Variants in HDAC9 observed in about 807,000 individuals in gnomAD.
HDAC9 encodes the protein histone deacetylase 9.
HDAC9 carries 41 observed loss-of-function variants against 139.4 expected under a neutral mutation model. That is an observed-to-expected ratio of 0.29 (90% CI 0.23 to 0.38). The LOEUF (loss-of-function observed/expected upper bound fraction) is 0.38. Ranked by LOEUF, HDAC9 falls within the 10% of genes least tolerant of loss-of-function variation. The pLI, the probability that HDAC9 is intolerant of heterozygous loss-of-function variation, is 1.00. For missense variants in HDAC9, 1,147 were observed against 1,297.0 expected (o/e 0.88, Z 1.78); for synonymous variants, 517 against 476.2 (o/e 1.09, Z -1.12).
At chr7:18,499,766 A>T (rs976556764) in intron 2 of HDAC9, among the ~76,000 whole-genome samples, 2 of 152,186 alleles carry the variant, frequency 1.3e-5, no homozygotes, top group African/African-American at 2.4e-5. Context: ...ATCTATTCTT[A>T]CTTTAGGGTA....
Position 18,644,708 on chromosome 7 carries a change from A to G in HDAC9, c.950A>G (p.Asp317Gly), listed in dbSNP as rs754231294. The change falls in exon 9 of 26, where the codon GAT (aspartate) becomes GGT (glycine). Residue 317 changes from aspartate (D) to glycine (G), a missense_variant. Coordinates refer to ENST00000686413, the MANE Select transcript of HDAC9 (RefSeq NM_178425.4). ...CAGCAACGCATTCTAATTCATGAAG[A>G]TTCCATGAACCTGCTAAGTCTTTAT... ...VSQQRILIHE[D>G]SMNLLSLYTS... is the part of the protein sequence containing the mutation. The G allele has an allele frequency of 6.2e-7, 1 of 1,611,410 alleles. No homozygotes were observed. Among genetic ancestry groups the G allele is most frequent in the Non-Finnish European group, 8.5e-7 (1 of 1,178,342 alleles).
chr7:18,977,947 C>CAA (rs887031013), intron 25 of HDAC9, among the ~76,000 whole-genome samples: 1 of 150,886 alleles, frequency 6.6e-6, no homozygotes, highest in African/African-American at 2.5e-5. Flanking sequence ...CACACACACA[C>CAA]ACACACACAC....
At position 18,444,341 on chromosome 7, in the gene HDAC9, G is replaced by GAAA. The variant is rs754142568; in HGVS notation, c.-41-51897_-41-51895dup. Among the ~76,000 whole-genome samples the GAAA allele has an allele frequency of 4.8e-4, 17 of 35,168 alleles. 2 individuals are homozygous for GAAA. Among genetic ancestry groups the GAAA allele is most frequent in the African/African-American group, 1.7e-3 (16 of 9,152 alleles). The allele number at this position is 35,168 out of a possible 152,430, so 23.1% of individuals were successfully genotyped here. On this transcript the variant is annotated intron_variant, in intron 1 of 3. Transcript: ENST00000413509. Reference sequence around the variant, plus strand: ...TAGGTGACAGAGTGAGACCCTGTCTGAAAAAAAAAAAAAAAAAAAAAAAAA... The same window carrying GAAA: ...TAGGTGACAGAGTGAGACCCTGTCTGAAAAAAAAAAAAAAAAAAAAAAAAAAAA...
intron 11 of HDAC9, among the ~76,000 whole-genome samples, chr7:18,659,471 CTT>C (rs1384688628): frequency 1.3e-5 from 2 of 152,186 alleles, no homozygotes; most frequent in African/African-American, 4.8e-5. Flanking sequence ...TCCTTGAAGA[CTT>C]TTGAAATTTG....
At chr7:18,419,807 T>C (rs1789450809) in intron 1 of HDAC9, among the ~76,000 whole-genome samples, 1 of 152,222 alleles carries the variant, frequency 6.6e-6, no homozygotes, top group Non-Finnish European at 1.5e-5. Context: ...CTGGTTTCTT[T>C]GTGAAAATAG....
chr7:18,198,685 T>C (rs1790894030), intron 2 of HDAC9, among the ~76,000 whole-genome samples: 1 of 152,178 alleles, frequency 6.6e-6, no homozygotes, highest in South Asian at 2.1e-4. Flanking sequence ...TAACTTTTTT[T>C]CCTAATTGTA....
chr7:18,737,070 T>A (rs1035753078), intron 13 of HDAC9, among the ~76,000 whole-genome samples: 5 of 152,254 alleles, frequency 3.3e-5, no homozygotes, highest in Admixed American at 3.3e-4. Flanking sequence ...TCTGTGGGAT[T>A]GGTGGTGATA....
chr7:18,459,167 C>A (rs1186798227), intron 1 of HDAC9, among the ~76,000 whole-genome samples: 2 of 152,096 alleles, frequency 1.3e-5, no homozygotes, highest in African/African-American at 4.8e-5. Flanking sequence ...TTACCCCTCT[C>A]TACTCGTGTT....
At chr7:18,346,329 C>T (rs1054995185) in intron 1 of HDAC9, among the ~76,000 whole-genome samples, 2 of 152,084 alleles carry the variant, frequency 1.3e-5, no homozygotes, top group African/African-American at 4.8e-5. Context: ...TGCTTTGAAA[C>T]AAGGGTCACT....
intron 1 of HDAC9, among the ~76,000 whole-genome samples, chr7:18,468,791 A>T (rs1586121145): frequency 6.6e-6 from 1 of 152,302 alleles, no homozygotes; most frequent in South Asian, 2.1e-4. Context: ...TGCTTATTTA[A>T]TGTTGAATGA....
chr7:18,253,082 C>A (rs1353808131), intron 2 of HDAC9, among the ~76,000 whole-genome samples: 3 of 152,114 alleles, frequency 2.0e-5, no homozygotes, highest in Non-Finnish European at 2.9e-5. Context: ...AATGACATGA[C>A]CTTGTTCTTT....
At chr7:18,709,050 A>T (rs1183034786) in intron 12 of HDAC9, among the ~76,000 whole-genome samples, 2 of 150,620 alleles carry the variant, frequency 1.3e-5, no homozygotes, top group Non-Finnish European at 2.9e-5. Context: ...CAACCAAGAA[A>T]AAAGAACACT....
chr7:18,614,833 A>C (rs1414027059), intron 6 of HDAC9, among the ~76,000 whole-genome samples: 1 of 152,188 alleles, frequency 6.6e-6, no homozygotes, highest in Non-Finnish European at 1.5e-5. Context: ...AATTCTAATT[A>C]AGGGTTTTAG....
chr7:18,261,986 G>T (rs1289050767), intron 2 of HDAC9, among the ~76,000 whole-genome samples: 1 of 152,086 alleles, frequency 6.6e-6, no homozygotes, highest in East Asian at 1.9e-4. Flanking sequence ...TTACATTTTT[G>T]CCCTAGCAAA....
intron 1 of HDAC9, among the ~76,000 whole-genome samples, chr7:18,095,633 T>C (rs991472981): frequency 6.6e-6 from 1 of 152,214 alleles, no homozygotes; most frequent in African/African-American, 2.4e-5. Context: ...CTGTACAGTA[T>C]GAGTGTGTTT....
intron 6 of HDAC9, among the ~76,000 whole-genome samples, chr7:18,607,220 TG>T (rs1170468329): frequency 1.3e-5 from 2 of 152,210 alleles, no homozygotes; most frequent in Non-Finnish European, 2.9e-5. Flanking sequence ...AAGTATCAAA[TG>T]ACAATTGTGT....
intron 22 of HDAC9, among the ~76,000 whole-genome samples, chr7:18,881,136 T>C (rs974069414): frequency 2.0e-5 from 3 of 152,060 alleles, no homozygotes; most frequent in Admixed American, 6.6e-5. Flanking sequence ...AGAAACAAAC[T>C]GATAAATACA....
intron 2 of HDAC9, among the ~76,000 whole-genome samples, chr7:18,515,753 A>G (rs1802982076): frequency 6.6e-6 from 1 of 152,246 alleles, no homozygotes; most frequent in Non-Finnish European, 1.5e-5. Context: ...AAGGCTTAGA[A>G]GATTGGTTGA....
chr7:18,488,366 C>T (rs922962814), intron 1 of HDAC9, among the ~76,000 whole-genome samples: 7 of 151,982 alleles, frequency 4.6e-5, no homozygotes, highest in African/African-American at 1.7e-4. Flanking sequence ...CTGATACATT[C>T]AGGCATATGT....
Sources: gnomAD v4.1 joint callset for allele counts (sites outside exome capture counted in the v4.1 genomes callset) on GRCh38, gnomAD v4.1.1 for gene constraint, MANE v1.5 for transcripts, NCBI Gene and HGNC (gene_info 2026-07-23, HGNC 2026-07-21) for gene names.